Variants in MROH7 observed in about 807,000 individuals in gnomAD.
The protein encoded by MROH7 is maestro heat-like repeat-containing protein family member 7.
In MROH7, 113 loss-of-function variants were observed where a neutral mutation model predicts 129.2. That is an observed-to-expected ratio of 0.87 (90% CI 0.75 to 1.02). The LOEUF (loss-of-function observed/expected upper bound fraction) is 1.02. Ranked by LOEUF, MROH7 falls within the 50% of genes least tolerant of loss-of-function variation. MROH7 has a pLI of 0.00. For missense variants in MROH7, 1,601 were observed against 1,671.3 expected (o/e 0.96, Z 0.73); for synonymous variants, 655 against 667.9 (o/e 0.98, Z 0.30).
intron 21 of MROH7, among the ~76,000 whole-genome samples, chr1:54,704,771 T>C (rs1449714806): frequency 6.7e-6 from 1 of 148,604 alleles, no homozygotes. Context: ...TTATAGGACA[T>C]GAATTAGCAT....
In MROH7 at chr1:54,686,446, G is replaced by A; in HGVS notation, c.2709G>A (p.Val903=). 1 of 1,613,672 alleles carries A rather than the reference G, an allele frequency of 6.2e-7. No individual in the cohort carries two copies. Residue 903 remains valine (V), a splice_region_variant and synonymous_variant, in exon 15 of 24, where the codon GTG becomes GTA. Transcript: ENST00000421030. Reference sequence around the variant, plus strand: ...CACAGCCCTCTCCCTTCGTACCTGTGCGGTATGCTCTGCCCTCTCTCTTGA... The same window carrying A: ...CACAGCCCTCTCCCTTCGTACCTGTACGGTATGCTCTGCCCTCTCTCTTGA... ...KGAQPSPFVP[V]RWVVKVVKTL...
chr1:54,702,705 ACAAC>A lies in MROH7; in HGVS notation c.3529_3532del (p.Gln1177SerfsTer12). 1.9e-6 allele frequency: 3 copies of A among 1,613,830 alleles called. No individual in the cohort carries two copies. Among genetic ancestry groups the A allele is most frequent in the Non-Finnish European group, 2.5e-6 (3 of 1,179,852 alleles). On this transcript the variant is annotated frameshift_variant, in exon 21 of 24. Coordinates refer to ENST00000421030, the MANE Select transcript of MROH7 (RefSeq NM_001039464.4). LOFTEE classifies it high-confidence loss of function. ...AGAGCTTATAGCCGGAAGCCCTGGG[ACAAC>A]CAACAGCAGACAGTGGCCAAAATTT...
intron 17 of MROH7, 103 bp from the exon 18 acceptor site, chr1:54,700,218 C>A: frequency 6.7e-7 from 1 of 1,483,100 alleles, no homozygotes; most frequent in Non-Finnish European, 9.3e-7. Context: ...AAGCTCCGGG[C>A]AGAGCTGAGC....
At chr1:54,701,939 C>A in intron 19 of MROH7, 151 bp from the exon 20 acceptor site, 1 of 570,670 alleles carries the variant, frequency 1.8e-6, no homozygotes, top group African/African-American at 2.0e-5. Context: ...ACTTAGCACT[C>A]AGGTGCCTTT....
intron 19 of MROH7, 53 bp from the exon 20 acceptor site, chr1:54,702,037 A>G: frequency 2.8e-6 from 4 of 1,453,690 alleles, no homozygotes; most frequent in Non-Finnish European, 3.7e-6. Flanking sequence ...AATCAGCCGC[A>G]GTGAGTGGCG....
At chr1:54,700,533 A>G in intron 18 of MROH7, 72 bp downstream of exon 18, 1 of 1,453,246 alleles carries the variant, frequency 6.9e-7, no homozygotes, top group Non-Finnish European at 9.3e-7. Flanking sequence ...CTTCACCATT[A>G]TAGTACCTCA....
intron 3 of MROH7, among the ~76,000 whole-genome samples, chr1:54,658,471 T>C (rs1276789036): frequency 6.6e-6 from 1 of 152,220 alleles, no homozygotes; most frequent in African/African-American, 2.4e-5. Flanking sequence ...CTCTTTGCTT[T>C]TTTAATAGGA....
intron 15 of MROH7, among the ~76,000 whole-genome samples, chr1:54,687,789 A>G (rs1645171743): frequency 6.6e-6 from 1 of 152,002 alleles, no homozygotes; most frequent in African/African-American, 2.4e-5. Flanking sequence ...CTTTGCCAAT[A>G]TTAGAGTTAA....
intron 1 of MROH7, among the ~76,000 whole-genome samples, chr1:54,647,018 A>G (rs1644477327): frequency 6.6e-6 from 1 of 152,202 alleles, no homozygotes; most frequent in African/African-American, 2.4e-5. Flanking sequence ...CGGACATACC[A>G]TATATTGTTT....
chr1:54,665,292 G>A lies in MROH7; in HGVS notation c.1305+52G>A, dbSNP rs1194236530. On this transcript the variant is annotated intron_variant, in intron 4 of 23. Coordinates refer to ENST00000421030, the MANE Select transcript of MROH7 (RefSeq NM_001039464.4). ...GACTGTGCTGGGATACTTCCATCCT[G>A]CCAACCCCCTACCCCCCAGCCCAGC... The A allele has an allele frequency of 2.0e-6, 3 of 1,475,916 alleles. No individual in the cohort carries two copies. In the African/African-American group the frequency reaches 4.1e-5, roughly 20 times the overall value. 91.4% of individuals were successfully genotyped at this position (1,475,916 alleles called of 1,614,324 possible). A position where few individuals can be genotyped will look rare whatever the true frequency, so the allele number is the denominator to read the frequency against.
At chr1:54,679,139 T>C (rs1214286455) in intron 11 of MROH7, 124 bp from the exon 12 acceptor site, 12 of 971,204 alleles carry the variant, frequency 1.2e-5, no homozygotes, top group Non-Finnish European at 1.8e-5. Flanking sequence ...TGAATATTCC[T>C]GGCCCTCCCT....
At chr1:54,698,837 A>C (rs1645364744) in intron 17 of MROH7, 1 of 149,720 alleles carries the variant, frequency 6.7e-6, no homozygotes, top group African/African-American at 2.5e-5. Context: ...CTTGTCTCCC[A>C]GGCTGGAGTG....
At chr1:54,656,085 G>C (rs1461967957) in intron 3 of MROH7, among the ~76,000 whole-genome samples, 3 of 151,384 alleles carry the variant, frequency 2.0e-5, no homozygotes, top group African/African-American at 7.3e-5. Flanking sequence ...GCAGAGACAG[G>C]GTTTCACCAT....
intron 18 of MROH7, among the ~76,000 whole-genome samples, chr1:54,700,891 C>T (rs183790199): frequency 4.6e-5 from 7 of 152,372 alleles, no homozygotes; most frequent in Admixed American, 4.6e-4. Context: ...GTGTCATCTA[C>T]CTAGAGCCAA....
Position 54,656,981 on chromosome 1 carries a change from G to A in MROH7, c.1231+2824G>A, listed in dbSNP as rs570232708. ...GCAGGAGGATCACTTGAAGTCAGGA[G>A]TTTGGGACCAGCTTGAGCAACATAG... On this transcript the variant is annotated intron_variant, in intron 3 of 23. Transcript: ENST00000421030. 2.0e-5 allele frequency among the ~76,000 whole-genome samples: 3 copies of A among 151,398 alleles called. No homozygotes were observed. The South Asian group carries it at 6.3e-4, about 32-fold the overall frequency.
In MROH7 at chr1:54,678,797, T is replaced by C; in HGVS notation, c.1992T>C (p.His664=). The change falls in exon 11 of 24, where the codon CAT becomes CAC. Residue 664 remains histidine, a synonymous_variant. Transcript: ENST00000421030. ...NKKELYESNK[H]FLGPYNPVSP... The stretch of plus-strand genomic sequence containing the variant: ...AGGAGCTATATGAGAGCAACAAGCA[T>C]TTCCTGGGGCCCTACAACCCTGTGA... 1.2e-6 allele frequency: 2 copies of C among 1,614,056 alleles called. No homozygotes were observed. The highest frequency in any genetic ancestry group is 1.7e-6 in the Non-Finnish European group (2 of 1,179,988).
chr1:54,645,655 CTTTT>C (rs60788847), intron 1 of MROH7, among the ~76,000 whole-genome samples: 1 of 124,250 alleles, frequency 8.0e-6, no homozygotes, highest in Admixed American at 9.3e-5. Flanking sequence ...TTCTTTCTTT[CTTTT>C]TTTTTTTTTT....
intron 16 of MROH7, among the ~76,000 whole-genome samples, chr1:54,694,234 GA>G (rs1203251177): frequency 1.3e-5 from 2 of 152,258 alleles, no homozygotes; most frequent in African/African-American, 2.4e-5. Context: ...GAAGCCCAGA[GA>G]AGTTAAGCAT....
At chr1:54,648,475 C>T (rs112658974) in intron 1 of MROH7, among the ~76,000 whole-genome samples, 8,033 of 152,062 alleles carry the variant, frequency 0.053, 344 homozygotes, top group Admixed American at 0.15. Flanking sequence ...AAGCAACTCT[C>T]CTGCCTCAGC....
Sources: allele counts gnomAD v4.1 joint callset (sites outside exome capture counted in the v4.1 genomes callset), GRCh38; gene constraint gnomAD v4.1.1; transcripts MANE v1.5; gene names NCBI Gene and HGNC (gene_info 2026-07-23, HGNC 2026-07-21).